The following ATP8B4 variants were observed in gnomAD, a reference collection of about 807,000 sequenced individuals.
ATP8B4 encodes the protein probable phospholipid-transporting ATPase IM.
A neutral mutation model predicts 145.6 loss-of-function variants in ATP8B4; 133 were observed. The observed-to-expected ratio is 0.91, with a 90% CI of 0.79 to 1.05. ATP8B4 has a LOEUF of 1.05. ATP8B4 is among the 50% of genes least tolerant of loss of function. ATP8B4 has a pLI of 0.00. For synonymous variants in ATP8B4, 507 were observed against 492.9 expected, an observed-to-expected ratio of 1.03 and a Z score of -0.38; for missense variants, 1,458 against 1,425.2, an observed-to-expected ratio of 1.02 and a Z score of -0.37.
intron 1 of ATP8B4, among the ~76,000 whole-genome samples, chr15:50,142,960 T>C (rs1446249557): frequency 6.6e-6 from 1 of 152,178 alleles, no homozygotes; most frequent in Non-Finnish European, 1.5e-5. Context: ...CTATGTATAA[T>C]GCATAGGAAG....
intron 3 of ATP8B4, among the ~76,000 whole-genome samples, chr15:50,059,980 C>G (rs560021963): frequency 4.6e-5 from 7 of 152,264 alleles, no homozygotes; most frequent in African/African-American, 1.7e-4. Flanking sequence ...GTCAAGCCTG[C>G]TTTAGATATT....
At chr15:50,108,049 C>T (rs2056768374) in intron 1 of ATP8B4, among the ~76,000 whole-genome samples, 1 of 152,024 alleles carries the variant, frequency 6.6e-6, no homozygotes, top group Admixed American at 6.6e-5. Context: ...ACTTACGAAT[C>T]CAAGCAAGGA....
intron 2 of ATP8B4, among the ~76,000 whole-genome samples, chr15:50,080,473 A>G (rs2054470880): frequency 6.6e-6 from 1 of 152,190 alleles, no homozygotes; most frequent in African/African-American, 2.4e-5. Context: ...AAACAAAACT[A>G]TATCCACTTA....
intron 13 of ATP8B4, among the ~76,000 whole-genome samples, chr15:49,968,665 A>C (rs556294060): frequency 2.0e-5 from 3 of 152,184 alleles, no homozygotes; most frequent in Non-Finnish European, 4.4e-5. Flanking sequence ...ACTCCCACAC[A>C]ATTATAGTGG....
Position 50,042,799 on chromosome 15 carries a change from T to C in ATP8B4, c.300+1795A>G, listed in dbSNP as rs542993032. ...GGACTATTACAGACTAAAACAACCATGAAAAAGTATGTCTGTTAAGCCAAT... is the reference window on the plus strand; with the variant it reads ...GGACTATTACAGACTAAAACAACCACGAAAAAGTATGTCTGTTAAGCCAAT... On this transcript the variant is annotated intron_variant, in intron 5 of 27. Coordinates refer to ENST00000284509, the MANE Select transcript of ATP8B4 (RefSeq NM_024837.4). 5.9e-5 allele frequency among the ~76,000 whole-genome samples: 9 copies of C among 151,980 alleles called. No homozygotes were observed. In the East Asian group the frequency reaches 1.7e-3, roughly 29 times the overall value.
chr15:50,175,663 T>C (rs1442609382), intron 1 of ATP8B4, among the ~76,000 whole-genome samples: 2 of 152,112 alleles, frequency 1.3e-5, no homozygotes, highest in Non-Finnish European at 2.9e-5. Context: ...ACCTCACTCC[T>C]GCAAGAATGG....
intron 9 of ATP8B4, among the ~76,000 whole-genome samples, chr15:49,995,087 T>C (rs2047318368): frequency 6.6e-6 from 1 of 152,142 alleles, no homozygotes; most frequent in African/African-American, 2.4e-5. Flanking sequence ...ATTGCAGGGC[T>C]GTTTATAACT....
rs528875609 is a variant in ATP8B4, at chr15:50,049,933, AT to A, written c.88-2470del. ...AGTGGTATTTAGCATTTTTTCATATATTTGTTGGTCACATGTATGTCTTCTT... is the reference window on the plus strand; with the variant it reads ...AGTGGTATTTAGCATTTTTTCATATATTGTTGGTCACATGTATGTCTTCTT... On this transcript the variant is annotated intron_variant, in intron 3 of 27. Transcript: ENST00000284509. Among the ~76,000 whole-genome samples, 8 of 151,778 alleles carry A rather than the reference AT, an allele frequency of 5.3e-5. 1 individual carries two copies. In the South Asian group the frequency reaches 1.5e-3, roughly 28 times the overall value.
intron 19 of ATP8B4, 75 bp downstream of exon 19, chr15:49,918,764 C>T: frequency 1.9e-6 from 2 of 1,048,592 alleles, no homozygotes; most frequent in Non-Finnish European, 2.9e-6. Context: ...ATTAACCTTT[C>T]TGGTTAATTA....
chr15:50,145,688 T>C (rs944905068), intron 1 of ATP8B4, among the ~76,000 whole-genome samples: 3 of 151,976 alleles, frequency 2.0e-5, no homozygotes, highest in Non-Finnish European at 2.9e-5. Context: ...TTCCTTCCTT[T>C]CTTTCTTTCT....
intron 14 of ATP8B4, among the ~76,000 whole-genome samples, chr15:49,950,614 ACAAAC>A (rs1474299400): frequency 1.5e-4 from 14 of 90,688 alleles, no homozygotes; most frequent in African/African-American, 7.1e-4. Flanking sequence ...AAACAAACAA[ACAAAC>A]AAAAAAAACA....
intron 17 of ATP8B4, chr15:49,922,447 C>G (rs1212334273): frequency 4.7e-6 from 2 of 426,578 alleles, no homozygotes; most frequent in African/African-American, 4.2e-5. Context: ...ATTGGAAAGA[C>G]AAAAAACAAT....
At chr15:50,035,678 C>T (rs1000110165) in intron 6 of ATP8B4, among the ~76,000 whole-genome samples, 4 of 152,162 alleles carry the variant, frequency 2.6e-5, no homozygotes, top group African/African-American at 9.7e-5. Flanking sequence ...GGCTCCTGAG[C>T]ACAGGAGAAG....
chr15:50,098,911 A>G (rs2056168407), intron 2 of ATP8B4, among the ~76,000 whole-genome samples: 1 of 152,220 alleles, frequency 6.6e-6, no homozygotes, highest in Non-Finnish European at 1.5e-5. Flanking sequence ...TGGATACATA[A>G]TAATGAATCT....
At chr15:50,017,126 G>C (rs776629263) in intron 6 of ATP8B4, among the ~76,000 whole-genome samples, 5 of 152,170 alleles carry the variant, frequency 3.3e-5, no homozygotes, top group Non-Finnish European at 7.3e-5. Context: ...GAATCTTTGT[G>C]CTTCCCCAAT....
At chr15:49,972,223 T>A (rs1192265254) in intron 13 of ATP8B4, among the ~76,000 whole-genome samples, 1 of 152,162 alleles carries the variant, frequency 6.6e-6, no homozygotes, top group African/African-American at 2.4e-5. Flanking sequence ...TATACCTATG[T>A]AACAAACTTG....
At chr15:50,170,498 C>CG (rs1272166107) in intron 1 of ATP8B4, among the ~76,000 whole-genome samples, 3 of 145,418 alleles carry the variant, frequency 2.1e-5, no homozygotes, top group Non-Finnish European at 4.5e-5. Context: ...TTACCAAACC[C>CG]CCCCCACCCT....
chr15:49,972,770 C>T lies in ATP8B4; in HGVS notation c.1055G>A (p.Gly352Glu), dbSNP rs547461815. Residue 352 changes from glycine (G) to glutamate (E), a missense_variant, in exon 13 of 28, where the codon GGA (glycine) becomes GAA (glutamate). Coordinates refer to ENST00000284509, the MANE Select transcript of ATP8B4 (RefSeq NM_024837.4). ...LYVSVEVIRL[G>E]HSYFINWDRK... ...GTCCCAGTTTATAAAATAACTGTGT[C>T]CTAGACGAATTACTTCCACACTATC... 1.9e-6 allele frequency: 3 copies of T among 1,613,724 alleles called. No homozygotes were observed. In the South Asian group the frequency reaches 3.3e-5, roughly 18 times the overall value.
chr15:50,171,518 G>A (rs1414075470), intron 1 of ATP8B4, among the ~76,000 whole-genome samples: 1 of 152,118 alleles, frequency 6.6e-6, no homozygotes, highest in Non-Finnish European at 1.5e-5. Context: ...TGATAATAAT[G>A]ACACAAACTA....
Sources: gnomAD v4.1 joint callset for allele counts (sites outside exome capture counted in the v4.1 genomes callset) on GRCh38, gnomAD v4.1.1 for gene constraint, MANE v1.5 for transcripts, NCBI Gene and HGNC (gene_info 2026-07-23, HGNC 2026-07-21) for gene names.